The following MAGI3 variants were observed in gnomAD, a reference collection of about 807,000 sequenced individuals.
The protein encoded by MAGI3 is membrane associated guanylate kinase, WW and PDZ domain containing 3, also known as membrane-associated guanylate kinase, WW and PDZ domain-containing protein 3.
MAGI3 carries 43 observed loss-of-function variants against 121.8 expected under a neutral mutation model. The ratio of observed to expected loss-of-function variants is 0.35; its 90% CI spans 0.28 to 0.46. MAGI3 has a LOEUF of 0.46. Among genes scored for constraint, MAGI3 ranks in the 20% least tolerant of loss-of-function variants. The pLI is 1.00. For synonymous variants in MAGI3, 553 were observed against 639.3 expected, an observed-to-expected ratio of 0.86 and a Z score of 2.04; for missense variants, 1,547 against 1,797.3, an observed-to-expected ratio of 0.86 and a Z score of 2.52.
At chr1:113,640,335 A>G (rs1167565674) in intron 9 of MAGI3, among the ~76,000 whole-genome samples, 4 of 152,180 alleles carry the variant, frequency 2.6e-5, no homozygotes, top group African/African-American at 9.7e-5. Flanking sequence ...TTCCTTAAGG[A>G]TCTTGAACCA....
intron 14 of MAGI3, among the ~76,000 whole-genome samples, chr1:113,652,912 C>T (rs1653253533): frequency 2.0e-5 from 3 of 152,092 alleles, no homozygotes; most frequent in Non-Finnish European, 4.4e-5. Context: ...TTCATATGAC[C>T]CTGTCTATGC....
chr1:113,682,451 C>A (rs774933851), intron 20 of MAGI3: 1 of 1,375,022 alleles, frequency 7.3e-7, no homozygotes, highest in Non-Finnish European at 9.3e-7. Flanking sequence ...AGAATTATTA[C>A]AAATGCCCAT....
intron 9 of MAGI3, among the ~76,000 whole-genome samples, chr1:113,623,487 C>CACACACACACACACACAT (rs1650994199): frequency 3.8e-4 from 3 of 7,800 alleles, no homozygotes; most frequent in Non-Finnish European, 1.1e-3. Context: ...CACACACACA[C>CACACACACACACACACAT]ATATATATAT....
At position 113,393,675 on chromosome 1, in the gene MAGI3, T is replaced by C. The variant is rs1650944021; in HGVS notation, c.316+2326T>C. On this transcript the variant is annotated intron_variant, in intron 1 of 20. Transcript: ENST00000307546. The stretch of plus-strand genomic sequence containing the variant: ...GAGGTTATCTGTAGAACTTTTGAGT[T>C]TGATTAAAAACAAATATTATTTTCA... 2.0e-5 allele frequency among the ~76,000 whole-genome samples: 3 copies of C among 152,222 alleles called. No individual in the cohort carries two copies. The South Asian group carries it at 6.2e-4, about 31-fold the overall frequency.
chr1:113,602,336 G>T (rs1332524968), intron 6 of MAGI3, among the ~76,000 whole-genome samples: 1 of 152,074 alleles, frequency 6.6e-6, no homozygotes, highest in Non-Finnish European at 1.5e-5. Flanking sequence ...ACAAATGCAT[G>T]GAAATTAAAC....
chr1:113,411,895 G>A lies in MAGI3; in HGVS notation c.316+20546G>A, dbSNP rs567353992. Among the ~76,000 whole-genome samples the A allele has an allele frequency of 1.6e-4, 25 of 151,820 alleles. 1 individual carries two copies. The East Asian group carries it at 4.1e-3, about 25-fold the overall frequency. On this transcript the variant is annotated intron_variant, in intron 1 of 20. Coordinates refer to ENST00000307546, the MANE Select transcript of MAGI3 (RefSeq NM_001142782.2). ...TATTTATTTATTTATTTTATTATAC[G>A]TTAAGTTCTGGGGTGCATGTGCACA...
intron 1 of MAGI3, among the ~76,000 whole-genome samples, chr1:113,465,584 G>C (rs1433157284): frequency 6.6e-6 from 1 of 152,000 alleles, no homozygotes; most frequent in Middle Eastern, 3.2e-3. Context: ...TCTATAGATT[G>C]CTTAGGGTAG....
At position 113,653,980 on chromosome 1, in the gene MAGI3, T is replaced by G. The variant is rs961197370; in HGVS notation, c.2591T>G (p.Phe864Cys). ...LQRKENEGFGFVILTSKNKPP... is the reference protein window; with the variant it reads ...LQRKENEGFGCVILTSKNKPP... ...CGAAAAGAAAATGAAGGATTTGGCT[T>G]TGTCATCCTCACCTCCAAAAACAAA... Residue 864 changes from phenylalanine to cysteine, a missense_variant, in exon 15 of 21, where the codon TTT becomes TGT. By Grantham distance (205) the Phe-to-Cys change is radical (BLOSUM62 -2). Coordinates refer to ENST00000307546, the MANE Select transcript of MAGI3 (RefSeq NM_001142782.2). 6.8e-6 allele frequency: 11 copies of G among 1,613,888 alleles called. No individual in the cohort carries two copies. Among genetic ancestry groups the G allele is most frequent in the African/African-American group, 1.3e-5 (1 of 75,022 alleles).
chr1:113,600,453 G>C (rs1227045245), intron 6 of MAGI3, among the ~76,000 whole-genome samples: 2 of 151,466 alleles, frequency 1.3e-5, no homozygotes, highest in African/African-American at 4.8e-5. Flanking sequence ...GCCAAATCAT[G>C]AGTGAACTCC....
chr1:113,603,223 A>C (rs1557847088), intron 6 of MAGI3, among the ~76,000 whole-genome samples: 1 of 152,186 alleles, frequency 6.6e-6, no homozygotes, highest in Non-Finnish European at 1.5e-5. Flanking sequence ...AACTGTGCAC[A>C]CAAAGTAGAA....
rs183360099 is a variant in MAGI3 at position 113,437,117 on chromosome 1, A to C, written c.316+45768A>C. ...GCATGAGCCACCGCACCCGGCCTGG[A>C]AAATATTTTTTATCTCCCTTTATTT... On this transcript the variant is annotated intron_variant, in intron 1 of 20. Coordinates refer to ENST00000307546, the MANE Select transcript of MAGI3 (RefSeq NM_001142782.2). 1.5e-3 allele frequency among the ~76,000 whole-genome samples: 235 copies of C among 152,092 alleles called. 1 individual carries two copies. The highest frequency in any genetic ancestry group is 5.4e-3 in the African/African-American group (223 of 41,532).
chr1:113,452,883 C>A (rs1289876690), intron 1 of MAGI3, among the ~76,000 whole-genome samples: 1 of 152,060 alleles, frequency 6.6e-6, no homozygotes, highest in Non-Finnish European at 1.5e-5. Context: ...GTTTTTTCTT[C>A]CTTCAGTATC....
intron 2 of MAGI3, among the ~76,000 whole-genome samples, chr1:113,556,312 C>A (rs1659991616): frequency 1.3e-5 from 2 of 152,112 alleles, no homozygotes; most frequent in Admixed American, 1.3e-4. Context: ...TCTAGCTAGA[C>A]TGCTTAGGAA....
At chr1:113,639,756 C>T (rs1422875879) in intron 9 of MAGI3, among the ~76,000 whole-genome samples, 2 of 152,042 alleles carry the variant, frequency 1.3e-5, no homozygotes, top group East Asian at 3.9e-4. Context: ...TTAGTGGAGA[C>T]AGGGTTTCAT....
At chr1:113,428,535 G>A (rs1653137548) in intron 1 of MAGI3, among the ~76,000 whole-genome samples, 4 of 152,148 alleles carry the variant, frequency 2.6e-5, no homozygotes, top group Admixed American at 2.6e-4. Context: ...TATAATGCAA[G>A]CCGCAAATGT....
intron 1 of MAGI3, among the ~76,000 whole-genome samples, chr1:113,410,573 T>G (rs1004262291): frequency 1.3e-5 from 2 of 151,978 alleles, no homozygotes; most frequent in African/African-American, 4.8e-5. Flanking sequence ...CATACTAAAT[T>G]GTCTCAGTCT....
At chr1:113,578,613 A>G (rs1008531667) in intron 2 of MAGI3, among the ~76,000 whole-genome samples, 2 of 152,116 alleles carry the variant, frequency 1.3e-5, no homozygotes, top group Admixed American at 1.3e-4. Flanking sequence ...TATAGAGACG[A>G]GGTCTTACTA....
chr1:113,540,470 G>A (rs901568712), intron 1 of MAGI3, among the ~76,000 whole-genome samples: 6 of 152,272 alleles, frequency 3.9e-5, no homozygotes, highest in South Asian at 2.1e-4. Context: ...GTGGACAAGC[G>A]GTCAATGTGC....
At chr1:113,400,101 A>G (rs1304027535) in intron 1 of MAGI3, among the ~76,000 whole-genome samples, 2 of 152,160 alleles carry the variant, frequency 1.3e-5, no homozygotes, top group Admixed American at 6.5e-5. Flanking sequence ...TTAATTACCA[A>G]AAATGTTATT....
Sources: gnomAD v4.1 joint callset for allele counts (sites outside exome capture counted in the v4.1 genomes callset) on GRCh38, gnomAD v4.1.1 for gene constraint, MANE v1.5 for transcripts, NCBI Gene and HGNC (gene_info 2026-07-23, HGNC 2026-07-21) for gene names.